ESPN: variants seen among roughly 807,000 people sequenced by gnomAD.
The protein encoded by ESPN is autosomal recessive deafness type 36 protein.
Under a neutral mutation model 77.7 loss-of-function variants are expected in ESPN, and 68 were observed. That is an observed-to-expected ratio of 0.87 (90% CI 0.72 to 1.07). The LOEUF (loss-of-function observed/expected upper bound fraction) is 1.07. ESPN is among the 50% of genes least tolerant of loss of function. The pLI, the probability that ESPN is intolerant of heterozygous loss-of-function variation, is 0.00. For synonymous variants in ESPN, 449 were observed against 567.1 expected (o/e 0.79, Z 2.96); for missense variants, 1,060 against 1,239.0 (o/e 0.86, Z 2.17).
At chr1:6,453,276 G>A (rs1358000318) in intron 10 of ESPN, among the ~76,000 whole-genome samples, 1 of 152,242 alleles carries the variant, frequency 6.6e-6, no homozygotes, top group East Asian at 1.9e-4. Flanking sequence ...CTCTAAGGTG[G>A]CTGCGGACAT....
At position 6,449,036 on chromosome 1, in the gene ESPN, C is replaced by T; in HGVS notation, c.1860C>T (p.Pro620=). ...CGCCACCGCCGGCCCCGCCTCTGCC[C>T]CTCGAGAGCGCTGGCCCTGGCTGCG... ...ASSPPPAPPL[P]LESAGPGCGQ... The change falls in exon 8 of 13, where the codon CCC becomes CCT. Residue 620 remains proline, a synonymous_variant. Coordinates refer to ENST00000645284, the MANE Select transcript of ESPN (RefSeq NM_031475.3). 1 of 1,481,976 alleles carries T rather than the reference C, an allele frequency of 6.7e-7. No homozygotes were observed. The highest frequency in any genetic ancestry group is 2.9e-5 in the East Asian group (1 of 34,644). 91.8% of individuals were successfully genotyped at this position (1,481,976 alleles called of 1,614,324 possible). A position where few individuals can be genotyped will look rare whatever the true frequency, so the allele number is the denominator to read the frequency against.
At chr1:6,457,459 C>T (rs572107971) in intron 12 of ESPN, 87 bp downstream of exon 12, 8 of 1,514,760 alleles carry the variant, frequency 5.3e-6, no homozygotes, top group Admixed American at 1.7e-5. Flanking sequence ...AATTTGAGTA[C>T]ATCCTCCTGT....
In ESPN at chr1:6,444,604, T is replaced by C. The variant is rs1176584860; in HGVS notation, c.1114T>C (p.Ser372Pro). ...SVQPLNFDLS[S>P]PTSTLSNYDS... Reference sequence around the variant, plus strand: ...CCAGCCGCTGAACTTTGACCTCAGCTCGCCTACCAGCACCCTCTCCAACTA... The same window carrying C: ...CCAGCCGCTGAACTTTGACCTCAGCCCGCCTACCAGCACCCTCTCCAACTA... The change falls in exon 6 of 13, where the codon TCG (serine) becomes CCG (proline). Residue 372 changes from serine to proline, a missense_variant. Around this residue, in one of 3 missense-constraint regions of ESPN, gnomAD observed 556 missense variants for 633.6 expected, o/e 0.88. Transcript: ENST00000645284. 3 of 1,614,020 alleles carry C rather than the reference T, an allele frequency of 1.9e-6. No individual in the cohort carries two copies. The highest frequency in any genetic ancestry group is 2.5e-6 in the Non-Finnish European group (3 of 1,180,018).
At chr1:6,425,482 G>C (rs953945654) in intron 1 of ESPN, among the ~76,000 whole-genome samples, 2 of 152,256 alleles carry the variant, frequency 1.3e-5, no homozygotes, top group Non-Finnish European at 2.9e-5. Context: ...CTGGGTGATG[G>C]GAGCCAGAAG....
In ESPN at chr1:6,447,820, G is replaced by A. The variant is rs1411039670; in HGVS notation, c.1465-821G>A. Among the ~76,000 whole-genome samples, 1 of 152,190 alleles carries A rather than the reference G, an allele frequency of 6.6e-6. No homozygotes were observed. Among genetic ancestry groups the A allele is most frequent in the South Asian group, 2.1e-4 (1 of 4,834 alleles). ...TCCCCTCTCGGGCGGGGATGAAGGT[G>A]GGGGCTCAGCTCCCAGCTTAGGGAG... On this transcript the variant is annotated intron_variant, in intron 7 of 12. Coordinates refer to ENST00000645284, the MANE Select transcript of ESPN (RefSeq NM_031475.3). This position sits in a 1 kb window ranked among gnomAD's most constrained non-coding sequence, Gnocchi z 5.2.
At position 6,427,704 on chromosome 1, in the gene ESPN, C is replaced by G. The variant is rs1440410048; in HGVS notation, c.295-522C>G. 2.0e-5 allele frequency among the ~76,000 whole-genome samples: 3 copies of G among 152,234 alleles called. No individual in the cohort carries two copies. Among genetic ancestry groups the G allele is most frequent in the Non-Finnish European group, 2.9e-5 (2 of 68,040 alleles). ...TGGAGGCGTACCAAGGTGGAGGTCT[C>G]TGTTCCCACGTGACACCGAGGAAGG... On this transcript the variant is annotated intron_variant, in intron 1 of 12. Coordinates refer to ENST00000645284, the MANE Select transcript of ESPN (RefSeq NM_031475.3). The surrounding 1 kb of genome is among the most constrained non-coding windows in gnomAD (Gnocchi z 4.6).
chr1:6,452,170 C>CA (rs1249949402), intron 10 of ESPN, 74 bp downstream of exon 10: 1 of 1,424,702 alleles, frequency 7.0e-7, no homozygotes, highest in Non-Finnish European at 9.3e-7. Context: ...ACGCCACCCC[C>CA]AACCCCAACC....
At chr1:6,454,062 G>A (rs1435576825) in intron 10 of ESPN, among the ~76,000 whole-genome samples, 2 of 152,216 alleles carry the variant, frequency 1.3e-5, no homozygotes, top group Non-Finnish European at 2.9e-5. Flanking sequence ...CCTCGGATGG[G>A]TTGGGGAGGG....
intron 2 of ESPN, among the ~76,000 whole-genome samples, chr1:6,432,315 G>A (rs1643281365): frequency 6.6e-6 from 1 of 152,192 alleles, no homozygotes. Context: ...GGCCGTGGGG[G>A]CTCATTCCTT....
intron 5 of ESPN, among the ~76,000 whole-genome samples, chr1:6,444,241 A>T (rs1643745462): frequency 6.6e-6 from 1 of 152,088 alleles, no homozygotes; most frequent in Non-Finnish European, 1.5e-5. Context: ...CCTCCTAATC[A>T]GGGAGGAGCC....
At chr1:6,454,795 C>T (rs1261355413) in intron 10 of ESPN, 12 of 397,578 alleles carry the variant, frequency 3.0e-5, no homozygotes, top group Non-Finnish European at 4.9e-5. Context: ...GGCCGGCCTG[C>T]GCACCTGGCG....
Position 6,457,189 on chromosome 1 carries a change from G to A in ESPN, c.2331G>A (p.Glu777=), listed in dbSNP as rs946559019. The A allele has an allele frequency of 3.7e-6, 6 of 1,601,098 alleles. No homozygotes were observed. The East Asian group carries it at 1.1e-4, about 30-fold the overall frequency. The change falls in exon 11 of 13, where the codon GAG becomes GAA. Residue 777 remains glutamate (E), a synonymous_variant. Transcript: ENST00000645284. ...GCTTTGTGGTTGTGTTTCAGGAGGA[G>A]GAGGAGGAGGCCCGGCTGGCCAGCA... is the stretch of plus-strand genomic sequence containing the variant. ...QEEEEQRRKE[E]EEEARLASMP... is the part of the protein sequence containing the mutation.
chr1:6,458,201 A>G (rs977205682), intron 12 of ESPN, among the ~76,000 whole-genome samples: 2 of 151,140 alleles, frequency 1.3e-5, no homozygotes, highest in Non-Finnish European at 2.9e-5. Context: ...TATTTTTAGT[A>G]GAGATGGGGT....
rs763478520 is a variant in ESPN at position 6,448,888 on chromosome 1, C to G, written c.1712C>G (p.Pro571Arg). ...RGSLEGPSAP[P>R]QAALLPGNHV... ...TCACTCGAAGGCCCCTCCGCTCCCCCGCAGGCGGCGCTGCTTCCTGGGAAC... is the reference window on the plus strand; with the variant it reads ...TCACTCGAAGGCCCCTCCGCTCCCCGGCAGGCGGCGCTGCTTCCTGGGAAC... The change falls in exon 8 of 13, where the codon CCG (proline) becomes CGG (arginine). Residue 571 changes from proline to arginine, a missense_variant. This residue lies in a region of ESPN where 130 missense variants were observed against 223.9 expected (regional missense o/e 0.58). Transcript: ENST00000645284. 18 of 1,331,964 alleles carry G rather than the reference C, an allele frequency of 1.4e-5. No homozygotes were observed. The highest frequency in any genetic ancestry group is 4.0e-5 in the South Asian group (2 of 50,140). The allele number at this position is 1,331,964 out of a possible 1,614,324, so 82.5% of individuals were successfully genotyped here.
Position 6,451,371 on chromosome 1 carries a change from G to A in ESPN, c.1916-232G>A, listed in dbSNP as rs980576193. 6 of 603,122 alleles carry A rather than the reference G, an allele frequency of 9.9e-6. No homozygotes were observed. The highest frequency in any genetic ancestry group is 2.9e-5 in the East Asian group (1 of 34,848). 37.4% of individuals were successfully genotyped at this position (603,122 alleles called of 1,614,324 possible). On this transcript the variant is annotated intron_variant, in intron 8 of 12. Transcript: ENST00000645284. This position sits in a 1 kb window ranked among gnomAD's most constrained non-coding sequence, Gnocchi z 4.3. ...CCTCCAGGCAGGGGCCCTCCATCCCGTGAGTAGGGTGGGGAAGATGGTGGG... is the reference window on the plus strand; with the variant it reads ...CCTCCAGGCAGGGGCCCTCCATCCCATGAGTAGGGTGGGGAAGATGGTGGG...
rs1049399179 is a variant in ESPN, at chr1:6,425,039, G to T, written c.84G>T (p.Gly28=). Residue 28 remains glycine (G), a synonymous_variant, in exon 1 of 13, where the codon GGG becomes GGT. Coordinates refer to ENST00000645284, the MANE Select transcript of ESPN (RefSeq NM_031475.3). Reference sequence around the variant, plus strand: ...CGCTGCACGCCGCAGGCCTCCTGGGGCCCTCGCTGCGCGACCCGCTGGACG... The same window carrying T: ...CGCTGCACGCCGCAGGCCTCCTGGGTCCCTCGCTGCGCGACCCGCTGGACG... ...LRSLHAAGLL[G]PSLRDPLDAL... 122 of 1,469,046 alleles carry T rather than the reference G, an allele frequency of 8.3e-5. No homozygotes were observed. The East Asian group carries it at 3.0e-3, about 36-fold the overall frequency. The allele number at this position is 1,469,046 out of a possible 1,614,324, so 91.0% of individuals were successfully genotyped here. A position where few individuals can be genotyped will look rare whatever the true frequency, so the allele number is the denominator to read the frequency against.
intron 3 of ESPN, 23 bp from the exon 4 acceptor site, chr1:6,440,603 C>CAAAAA: frequency 7.9e-7 from 1 of 1,261,256 alleles, no homozygotes; most frequent in Admixed American, 2.1e-5. Context: ...CCCCGCCCCC[C>CAAAAA]TCTCCCCGCC....
rs192473554 is a variant in ESPN at position 6,457,432 on chromosome 1, G to A, written c.2417+60G>A. 4.2e-5 allele frequency: 67 copies of A among 1,611,858 alleles called. No individual in the cohort carries two copies. In the East Asian group the frequency reaches 1.1e-3, roughly 26 times the overall value. ...ATCCCCACCCAAGTCGCAGAGGGTC[G>A]TCCCTTCATCCAGGCCAATTTGAGT... On this transcript the variant is annotated intron_variant, in intron 12 of 12. Transcript: ENST00000645284.
In ESPN at chr1:6,440,999, C is replaced by T. The variant is rs1344725566; in HGVS notation, c.924C>T (p.Ala308=). The part of the protein sequence containing the change: ...LDVRDRDGYT[A]ADLSDFNGHS... ...TCCGCGACCGCGACGGGTACACGGC[C>T]GCCGACCTGTCGGACTTCAACGGCC... is the stretch of plus-strand genomic sequence containing the variant. Residue 308 remains alanine (A), a synonymous_variant, in exon 5 of 13, where the codon GCC becomes GCT. Transcript: ENST00000645284. The T allele has an allele frequency of 1.9e-6, 3 of 1,609,520 alleles. No individual in the cohort carries two copies. The Admixed American group carries it at 5.0e-5, about 27-fold the overall frequency.
Sources: allele counts gnomAD v4.1 joint callset (sites outside exome capture counted in the v4.1 genomes callset), GRCh38; gene constraint gnomAD v4.1.1; regional missense constraint gnomAD v4.1.1; non-coding constraint Gnocchi (gnomAD v3.1); transcripts MANE v1.5; gene names NCBI Gene and HGNC (gene_info 2026-07-23, HGNC 2026-07-21).